Variants in COPZ2 observed in about 807,000 individuals in gnomAD.
COPZ2 encodes the protein coat protein complex I subunit zeta 2.
In COPZ2, 30 loss-of-function variants were observed where a neutral mutation model predicts 33.2. The observed-to-expected ratio is 0.90, with a 90% confidence interval of 0.68 to 1.23. COPZ2 has a LOEUF of 1.23. Among genes scored for constraint, COPZ2 ranks in the 50% most tolerant of loss-of-function variants. COPZ2 has a pLI of 0.00. For synonymous variants in COPZ2, 89 were observed against 102.6 expected (o/e 0.87, Z 0.80); for missense variants, 263 against 262.4 (o/e 1.00, Z -0.02).
chr17:48,028,974 C>T lies in COPZ2; in HGVS notation c.546+151G>A. The T allele has an allele frequency of 1.5e-6, 1 of 670,726 alleles. No homozygotes were observed. Among genetic ancestry groups the T allele is most frequent in the Non-Finnish European group, 2.5e-6 (1 of 392,652 alleles). The allele number at this position is 670,726 out of a possible 1,614,324, so 41.5% of individuals were successfully genotyped here. The stretch of plus-strand genomic sequence containing the variant: ...TAACTGGCATCCCACCCAGAAACTG[C>T]TGCTCATCTCACCCCTAACAAGTGT... On this transcript the variant is annotated intron_variant, in intron 7 of 8. Transcript: ENST00000621465. The surrounding 1 kb of genome is among the most constrained non-coding windows in gnomAD (Gnocchi z 4.5).
At chr17:48,038,518 G>A (rs187547147), upstream of COPZ2, among the ~76,000 whole-genome samples, 57 of 152,308 alleles carry the variant, frequency 3.7e-4, 1 homozygote, top group Admixed American at 1.3e-3. Context: ...ATATGTTAGT[G>A]CTACGTATGC....
At chr17:48,043,672 CT>C in the COPZ2 span, 1 of 445,956 alleles carries the variant, frequency 2.2e-6, no homozygotes, top group Non-Finnish European at 3.0e-6. Context: ...AAGACAGGGC[CT>C]TATACTCAGC....
At chr17:48,040,679 C>T (rs1330313549), upstream of COPZ2, among the ~76,000 whole-genome samples, 1 of 151,682 alleles carries the variant, frequency 6.6e-6, no homozygotes, top group Non-Finnish European at 1.5e-5. Flanking sequence ...GATCTGCTTG[C>T]CTCGGCCTCC....
rs767995815 is a variant in COPZ2 at position 48,026,400 on chromosome 17, G to A, written c.*28C>T. The A allele has an allele frequency of 6.3e-7, 1 of 1,591,980 alleles. No homozygotes were observed. Among genetic ancestry groups the A allele is most frequent in the Non-Finnish European group, 8.6e-7 (1 of 1,159,964 alleles). On this transcript the variant is annotated 3_prime_UTR_variant, in exon 9 of 9. Coordinates refer to ENST00000621465, the MANE Select transcript of COPZ2 (RefSeq NM_016429.4). The stretch of plus-strand genomic sequence containing the variant: ...TGCCAGGATTGGGGAAATGATCTGG[G>A]GGGCAGGGAGCCTTGAATCCACAGC...
At chr17:48,031,963 A>G in intron 6 of COPZ2, 193 bp downstream of exon 6, 1 of 609,610 alleles carries the variant, frequency 1.6e-6, no homozygotes, top group Non-Finnish European at 2.9e-6. Context: ...TTTGGCTAAC[A>G]TTGAAATCAA....
At chr17:48,039,221 A>C (rs1258937867), upstream of COPZ2, among the ~76,000 whole-genome samples, 11 of 152,082 alleles carry the variant, frequency 7.2e-5, no homozygotes. Flanking sequence ...CTGTAATCCC[A>C]GCACTTTGGG....
chr17:48,032,749 G>T lies in COPZ2; in HGVS notation c.361-8C>A. On this transcript the variant is annotated splice_polypyrimidine_tract_variant and splice_region_variant and intron_variant, in intron 4 of 8. Transcript: ENST00000621465. ...AACAGACATGAGCATCAGCTGGGAT[G>T]GGCAGATACGGGAGGAGGAAAAGGA... 6.3e-7 allele frequency: 1 copy of T among 1,585,992 alleles called. No individual in the cohort carries two copies. The highest frequency in any genetic ancestry group is 8.6e-7 in the Non-Finnish European group (1 of 1,165,484).
At chr17:48,034,085 C>T (rs1420203611) in intron 2 of COPZ2, 141 bp from the exon 3 acceptor site, 1 of 610,328 alleles carries the variant, frequency 1.6e-6, no homozygotes, top group Non-Finnish European at 3.0e-6. Flanking sequence ...CACCCTAGGC[C>T]TGCAGGCTCA....
chr17:48,041,271 GCT>G (rs1249613771), upstream of COPZ2, among the ~76,000 whole-genome samples: 1 of 151,800 alleles, frequency 6.6e-6, no homozygotes, highest in African/African-American at 2.4e-5. Flanking sequence ...GAAAAATTTT[GCT>G]CTCATGGAAC....
the COPZ2 span, among the ~76,000 whole-genome samples, chr17:48,044,296 G>T: frequency 2.0e-5 from 3 of 151,456 alleles, no homozygotes; most frequent in African/African-American, 7.3e-5. Context: ...GCAGTGAGCT[G>T]AGATGGTGTC....
chr17:48,046,021 G>C, the COPZ2 span: 1 of 152,190 alleles, frequency 6.6e-6, no homozygotes, highest in Non-Finnish European at 1.5e-5. Flanking sequence ...CAAATATCCT[G>C]GGCGCCCACA....
chr17:48,030,289 A>AACACACACACACACACAC (rs71935471), intron 6 of COPZ2, among the ~76,000 whole-genome samples: 23 of 128,416 alleles, frequency 1.8e-4, no homozygotes, highest in South Asian at 2.5e-4. Context: ...TCCATCTCAA[A>AACACACACACACACACAC]ACACACACAC....
intron 5 of COPZ2, 32 bp from the exon 6 acceptor site, chr17:48,032,265 T>C: frequency 2.5e-6 from 4 of 1,588,400 alleles, no homozygotes; most frequent in Non-Finnish European, 3.4e-6. Flanking sequence ...TGAGCCTCCC[T>C]GTGGCTGGGA....
Position 48,037,741 on chromosome 17 carries a change from C to T in COPZ2, c.37G>A (p.Gly13Arg), listed in dbSNP as rs1413876635. Residue 13 changes from glycine (G) to arginine (R), a missense_variant, in exon 1 of 9, where the codon GGG (glycine) becomes AGG (arginine). By Grantham distance (125) the Gly-to-Arg change is moderately radical. Coordinates refer to ENST00000621465, the MANE Select transcript of COPZ2 (RefSeq NM_016429.4). This position sits in a 1 kb window ranked among gnomAD's most constrained non-coding sequence, Gnocchi z 5.6. The part of the protein sequence containing the change: ...RPEAWPRPHP[G>R]EGAAAAQAGG... ...GCCTGGGCCGCCGCGGCCCCCTCCC[C>T]CGGGTGCGGACGTGGCCAGGCCTCG... 41 of 1,059,006 alleles carry T rather than the reference C, an allele frequency of 3.9e-5. No homozygotes were observed. The African/African-American group carries it at 6.1e-4, about 16-fold the overall frequency. 65.6% of individuals were successfully genotyped at this position (1,059,006 alleles called of 1,614,324 possible).
At position 48,036,842 on chromosome 17, in the gene COPZ2, A is replaced by G. The variant is rs768762095; in HGVS notation, c.186+9T>C. The G allele has an allele frequency of 8.7e-6, 14 of 1,613,266 alleles. No homozygotes were observed. In the Admixed American group the frequency reaches 1.0e-4, roughly 12 times the overall value. On this transcript the variant is annotated intron_variant, in intron 2 of 8. Transcript: ENST00000621465. Reference sequence around the variant, plus strand: ...AACTGTGTCCCTCATGGGTGGGGTCAGAGGTTACCTTGGCCAGCAGCCGGC... The same window carrying G: ...AACTGTGTCCCTCATGGGTGGGGTCGGAGGTTACCTTGGCCAGCAGCCGGC...
At chr17:48,030,330 A>AC (rs753917714) in intron 6 of COPZ2, among the ~76,000 whole-genome samples, 22,090 of 149,446 alleles carry the variant, frequency 0.15, 2,070 homozygotes, top group Non-Finnish European at 0.21. Context: ...ACACACACAC[A>AC]AAGAAACAAA....
At chr17:48,041,991 G>T (rs1207745246), upstream of COPZ2, among the ~76,000 whole-genome samples, 1 of 152,054 alleles carries the variant, frequency 6.6e-6, no homozygotes, top group African/African-American at 2.4e-5. Context: ...GGTGGGGAAG[G>T]AGTCAGTTAT....
the COPZ2 span, chr17:48,047,788 T>C: frequency 6.6e-6 from 1 of 152,198 alleles, no homozygotes; most frequent in Non-Finnish European, 1.5e-5. Context: ...GAGGGGAAGT[T>C]GGGGTACCGG....
At position 48,037,052 on chromosome 17, in the gene COPZ2, G is replaced by T; in HGVS notation, c.112-127C>A. On this transcript the variant is annotated intron_variant, in intron 1 of 8. Coordinates refer to ENST00000621465, the MANE Select transcript of COPZ2 (RefSeq NM_016429.4). This position sits in a 1 kb window ranked among gnomAD's most constrained non-coding sequence, Gnocchi z 5.6. ...ACCCCAGTCCTCAAGGTCCACAGCT[G>T]GTTCTGCCCAGCCCTGTGCCACATG... The T allele has an allele frequency of 2.3e-6, 2 of 882,640 alleles. No homozygotes were observed. The highest frequency in any genetic ancestry group is 1.9e-6 in the Non-Finnish European group (1 of 523,900). The allele number at this position is 882,640 out of a possible 1,614,324, so 54.7% of individuals were successfully genotyped here.
Sources: allele counts gnomAD v4.1 joint callset (sites outside exome capture counted in the v4.1 genomes callset), GRCh38; gene constraint gnomAD v4.1.1; non-coding constraint Gnocchi (gnomAD v3.1); transcripts MANE v1.5; gene names NCBI Gene and HGNC (gene_info 2026-07-23, HGNC 2026-07-21).